The following COPG2 variants were observed in gnomAD, a reference collection of about 807,000 sequenced individuals.
COPG2 encodes the protein coat protein complex I subunit gamma 2.
In COPG2, 37 loss-of-function variants were observed where a neutral mutation model predicts 46.3. The observed-to-expected ratio is 0.80, with a 90% CI of 0.61 to 1.05. The LOEUF is 1.05. COPG2 is among the 50% of genes least tolerant of loss of function. The probability of loss-of-function intolerance (pLI) is 0.00; values close to 1 mark genes in which losing one functional copy is unlikely to be tolerated. For missense variants in COPG2, 427 were observed against 387.8 expected (o/e 1.10, Z -0.85); for synonymous variants, 159 against 129.7 (o/e 1.23, Z -1.53).
At chr7:130,607,061 C>A (rs559526282) in intron 9 of COPG2, among the ~76,000 whole-genome samples, 7 of 151,636 alleles carry the variant, frequency 4.6e-5, no homozygotes, top group Non-Finnish European at 8.8e-5. Flanking sequence ...GGCAACACTG[C>A]GGAACCCCAT....
chr7:130,608,623 T>C (rs547344001), intron 9 of COPG2, among the ~76,000 whole-genome samples: 10 of 152,310 alleles, frequency 6.6e-5, no homozygotes, highest in Admixed American at 5.9e-4. Flanking sequence ...AATTTTAAGA[T>C]GTCCATTATC....
At chr7:130,628,679 T>C (rs1482834420) in intron 5 of COPG2, among the ~76,000 whole-genome samples, 2 of 152,150 alleles carry the variant, frequency 1.3e-5, no homozygotes, top group Non-Finnish European at 2.9e-5. Flanking sequence ...ATTCCTTCTA[T>C]CTGAAGAATA....
At chr7:130,578,553 C>T (rs1316371929) in intron 9 of COPG2, among the ~76,000 whole-genome samples, 3 of 150,570 alleles carry the variant, frequency 2.0e-5, no homozygotes, top group Admixed American at 6.6e-5. Flanking sequence ...TTACTCTGAG[C>T]TACGGGAGGA....
At chr7:130,530,061 G>C (rs970802339) in intron 20 of COPG2, among the ~76,000 whole-genome samples, 19 of 152,264 alleles carry the variant, frequency 1.2e-4, no homozygotes, top group African/African-American at 4.6e-4. Flanking sequence ...CGGGTGCTGG[G>C]ATGAGGGCTT....
At chr7:130,566,282 AC>A (rs2116408915) in intron 9 of COPG2, among the ~76,000 whole-genome samples, 2 of 152,286 alleles carry the variant, frequency 1.3e-5, no homozygotes, top group South Asian at 4.2e-4. Context: ...ACCATCTTGT[AC>A]CAGTCAGAAT....
At chr7:130,544,837 TAG>T (rs1304119456) in intron 20 of COPG2, among the ~76,000 whole-genome samples, 1 of 152,166 alleles carries the variant, frequency 6.6e-6, no homozygotes, top group African/African-American at 2.4e-5. Flanking sequence ...ACTAGTTACA[TAG>T]AGACTTAGGA....
At chr7:130,508,324 GAAAAA>G (rs1368085817) in intron 21 of COPG2, 1 of 395,072 alleles carries the variant, frequency 2.5e-6, no homozygotes, top group Admixed American at 4.1e-5. Context: ...CTATTATAAA[GAAAAA>G]AAAGGGTGAG....
chr7:130,635,258 T>C (rs879975317), intron 5 of COPG2, among the ~76,000 whole-genome samples: 46 of 152,176 alleles, frequency 3.0e-4, no homozygotes, highest in Middle Eastern at 3.4e-3. Context: ...TCTTTTTCTA[T>C]TGTTTGGAGC....
intron 9 of COPG2, among the ~76,000 whole-genome samples, chr7:130,587,240 G>A: frequency 6.6e-6 from 1 of 151,872 alleles, no homozygotes; most frequent in Non-Finnish European, 1.5e-5. Flanking sequence ...ACAGAAGGTG[G>A]ACGCTACAGT....
chr7:130,612,269 A>G (rs782738845), intron 7 of COPG2, 31 bp from the exon 8 acceptor site: 21 of 1,350,950 alleles, frequency 1.6e-5, no homozygotes, highest in Non-Finnish European at 2.1e-5. Flanking sequence ...ATGAGAATAA[A>G]TAATGCTTGG....
intron 9 of COPG2, chr7:130,605,082 A>G: frequency 2.3e-6 from 1 of 443,698 alleles, no homozygotes; most frequent in South Asian, 1.8e-5. Flanking sequence ...CCAGATTCCA[A>G]TTACATATGT....
At chr7:130,619,850 C>T (rs989851730) in intron 5 of COPG2, among the ~76,000 whole-genome samples, 4 of 152,174 alleles carry the variant, frequency 2.6e-5, no homozygotes, top group African/African-American at 9.6e-5. Flanking sequence ...TTTCTTAAAA[C>T]TTTGCAGATA....
intron 5 of COPG2, among the ~76,000 whole-genome samples, chr7:130,623,358 T>C (rs929672837): frequency 2.0e-5 from 3 of 152,198 alleles, no homozygotes; most frequent in African/African-American, 2.4e-5. Flanking sequence ...CTGAAAAACA[T>C]AGATCAGTCT....
chr7:130,662,294 G>T (rs1347640326), intron 4 of COPG2, among the ~76,000 whole-genome samples: 1 of 152,058 alleles, frequency 6.6e-6, no homozygotes, highest in Non-Finnish European at 1.5e-5. Flanking sequence ...AGGTTCTGGG[G>T]GTTGACACAA....
At chr7:130,652,060 A>C (rs1199211411) in intron 5 of COPG2, among the ~76,000 whole-genome samples, 1 of 152,214 alleles carries the variant, frequency 6.6e-6, no homozygotes, top group African/African-American at 2.4e-5. Context: ...AATATCTCCA[A>C]ATTTTAAAAT....
At chr7:130,588,427 A>C (rs528958804) in intron 9 of COPG2, among the ~76,000 whole-genome samples, 1 of 152,202 alleles carries the variant, frequency 6.6e-6, no homozygotes, top group African/African-American at 2.4e-5. Context: ...CCGGATTAAG[A>C]AAATGTGGCC....
At chr7:130,667,566 G>C (rs782423583) in intron 1 of COPG2, 32 bp from the exon 2 acceptor site, 9 of 1,580,930 alleles carry the variant, frequency 5.7e-6, no homozygotes, top group Non-Finnish European at 6.9e-6. Context: ...AAAATGTCCT[G>C]AACAGCTGTT....
intron 9 of COPG2, among the ~76,000 whole-genome samples, chr7:130,598,442 A>G (rs2116476119): frequency 6.6e-6 from 1 of 152,316 alleles, no homozygotes; most frequent in East Asian, 1.9e-4. Context: ...GAAGATTATC[A>G]GGTCTCTCCA....
intron 12 of COPG2, among the ~76,000 whole-genome samples, chr7:130,555,570 T>C (rs1793607363): frequency 6.6e-6 from 1 of 152,222 alleles, no homozygotes; most frequent in Non-Finnish European, 1.5e-5. Context: ...CTAATGCCTG[T>C]AATCCCAGCA....
Sources: allele counts gnomAD v4.1 joint callset (sites outside exome capture counted in the v4.1 genomes callset), GRCh38; gene constraint gnomAD v4.1.1; transcripts MANE v1.5; gene names NCBI Gene and HGNC (gene_info 2026-07-23, HGNC 2026-07-21).